The following TTLL5 variants were observed in gnomAD, a reference collection of about 807,000 sequenced individuals.
The protein encoded by TTLL5 is tubulin polyglutamylase TTLL5.
In TTLL5, 132 loss-of-function variants were observed where a neutral mutation model predicts 168.4. That is an observed-to-expected ratio of 0.78 (90% CI 0.68 to 0.91). The LOEUF is 0.91. Ranked by LOEUF, TTLL5 falls within the 40% of genes least tolerant of loss-of-function variation. The pLI, the probability that TTLL5 is intolerant of heterozygous loss-of-function variation, is 0.00. For missense variants in TTLL5, 1,545 were observed against 1,581.5 expected, an observed-to-expected ratio of 0.98 and a Z score of 0.39; for synonymous variants, 546 against 558.6, an observed-to-expected ratio of 0.98 and a Z score of 0.32.
At chr14:75,878,321 T>G (rs549446927) in intron 29 of TTLL5, among the ~76,000 whole-genome samples, 6 of 152,222 alleles carry the variant, frequency 3.9e-5, no homozygotes, top group Non-Finnish European at 7.3e-5. Context: ...TCTTGCAGAC[T>G]TCATGGTGCC....
At chr14:75,851,479 C>A (rs1364020642) in intron 28 of TTLL5, among the ~76,000 whole-genome samples, 1 of 152,172 alleles carries the variant, frequency 6.6e-6, no homozygotes, top group Non-Finnish European at 1.5e-5. Context: ...ATTTGGTAAT[C>A]TTTCTCATTC....
intron 2 of TTLL5, among the ~76,000 whole-genome samples, chr14:75,667,763 T>G (rs929101707): frequency 3.5e-5 from 5 of 144,752 alleles, no homozygotes; most frequent in African/African-American, 1.3e-4. Context: ...TTTTTTTTTT[T>G]TTTTTTTTTT....
intron 31 of TTLL5, among the ~76,000 whole-genome samples, chr14:75,912,141 A>G (rs2033417320): frequency 1.3e-5 from 2 of 149,822 alleles, no homozygotes; most frequent in African/African-American, 4.9e-5. Context: ...GCTCCGCCCT[A>G]CTCATGACGT....
At chr14:75,915,617 A>G (rs2033588645) in intron 31 of TTLL5, among the ~76,000 whole-genome samples, 1 of 152,232 alleles carries the variant, frequency 6.6e-6, no homozygotes, top group Non-Finnish European at 1.5e-5. Context: ...TAAAAATATC[A>G]ATCTTGCAGG....
At chr14:75,946,367 T>TA (rs1272630248) in intron 31 of TTLL5, among the ~76,000 whole-genome samples, 1 of 152,096 alleles carries the variant, frequency 6.6e-6, no homozygotes, top group African/African-American at 2.4e-5. Context: ...ATAAAGTATT[T>TA]AAAAAAATAG....
chr14:75,707,309 AT>A (rs1453399606), intron 8 of TTLL5, among the ~76,000 whole-genome samples: 1 of 152,162 alleles, frequency 6.6e-6, no homozygotes, highest in Non-Finnish European at 1.5e-5. Flanking sequence ...ATAGTAGTAT[AT>A]GTATGAAAAT....
In TTLL5 at chr14:75,882,867, A is replaced by G. The variant is rs766359766; in HGVS notation, c.3705A>G (p.Gln1235=). The change falls in exon 30 of 32, where the codon CAA becomes CAG. Residue 1235 remains glutamine (Q), a synonymous_variant. Transcript: ENST00000298832. ...LVPKPPPNHE[Q]VLRRATSQKA... is the part of the protein sequence containing the mutation. The stretch of plus-strand genomic sequence containing the variant: ...CCAAACCCCCACCCAACCACGAACA[A>G]GTGCTCAGAAGGGCAACATCCCAGA... 3.1e-6 allele frequency: 5 copies of G among 1,614,174 alleles called. No individual in the cohort carries two copies. Among genetic ancestry groups the G allele is most frequent in the Admixed American group, 1.7e-5 (1 of 60,024 alleles).
chr14:75,741,524 TC>T (rs1383573065), intron 15 of TTLL5, among the ~76,000 whole-genome samples: 1 of 151,304 alleles, frequency 6.6e-6, no homozygotes, highest in Admixed American at 6.6e-5. Flanking sequence ...TCAGTCTGAT[TC>T]CTTTTTTTTT....
At chr14:75,742,910 A>G (rs1889359849) in intron 15 of TTLL5, among the ~76,000 whole-genome samples, 1 of 152,186 alleles carries the variant, frequency 6.6e-6, no homozygotes, top group African/African-American at 2.4e-5. Flanking sequence ...TCCTTCCTAA[A>G]TCTTTCAACT....
intron 31 of TTLL5, chr14:75,904,200 TC>T (rs1335776238): frequency 9.9e-6 from 11 of 1,109,192 alleles, no homozygotes; most frequent in East Asian, 7.7e-5. Flanking sequence ...ACCTCACTCC[TC>T]CAAAAAAAAA....
chr14:75,860,617 A>G (rs1243428789), intron 28 of TTLL5, among the ~76,000 whole-genome samples: 1 of 152,162 alleles, frequency 6.6e-6, no homozygotes, highest in Non-Finnish European at 1.5e-5. Flanking sequence ...TTGGTGTGGA[A>G]ATCTCAAGGT....
chr14:75,765,783 A>G (rs1594996423), intron 19 of TTLL5, among the ~76,000 whole-genome samples: 1 of 151,996 alleles, frequency 6.6e-6, no homozygotes, highest in Non-Finnish European at 1.5e-5. Context: ...GGACTACTTG[A>G]CCCCAGGATG....
chr14:75,887,897 G>A (rs1020575569), intron 30 of TTLL5, among the ~76,000 whole-genome samples: 4 of 152,200 alleles, frequency 2.6e-5, no homozygotes, highest in African/African-American at 2.4e-5. Context: ...AATGCCACTC[G>A]TATTAGAGGT....
chr14:75,905,410 C>CA (rs2033102646), intron 31 of TTLL5, among the ~76,000 whole-genome samples: 1 of 152,218 alleles, frequency 6.6e-6, no homozygotes, highest in Non-Finnish European at 1.5e-5. Flanking sequence ...AAAAACAACT[C>CA]AGAGTCCTTT....
Position 75,928,366 on chromosome 14 carries a change from T to TATATATATATATATATATATATATA in TTLL5, c.3824-26056_3824-26055insATATATATATATATATATATATAAT, listed in dbSNP as rs1202108865. On this transcript the variant is annotated intron_variant, in intron 31 of 31. Transcript: ENST00000298832. ...ACATATATATATATATATATATATA[T>TATATATATATATATATATATATATA]ATCACTGTATTTCTGCTTTACTCTA... is the stretch of plus-strand genomic sequence containing the variant. Among the ~76,000 whole-genome samples, 39 of 142,348 alleles carry TATATATATATATATATATATATATA rather than the reference T, an allele frequency of 2.7e-4. 1 individual carries two copies. Among genetic ancestry groups the TATATATATATATATATATATATATA allele is most frequent in the African/African-American group, 1.0e-3 (39 of 37,974 alleles). 93.4% of individuals were successfully genotyped at this position (142,348 alleles called of 152,430 possible). A position where few individuals can be genotyped will look rare whatever the true frequency, so the allele number is the denominator to read the frequency against.
At chr14:75,917,128 G>A (rs1020189112) in intron 31 of TTLL5, among the ~76,000 whole-genome samples, 4 of 152,206 alleles carry the variant, frequency 2.6e-5, no homozygotes, top group Non-Finnish European at 4.4e-5. Flanking sequence ...CGTGCAGCGT[G>A]AATGCACTTA....
At chr14:75,730,274 AG>A (rs1205282639) in intron 12 of TTLL5, among the ~76,000 whole-genome samples, 1 of 152,198 alleles carries the variant, frequency 6.6e-6, no homozygotes, top group Non-Finnish European at 1.5e-5. Flanking sequence ...CTCAGGTTAA[AG>A]GGGCAATATT....
chr14:75,722,291 G>A (rs1887890129), intron 12 of TTLL5, among the ~76,000 whole-genome samples: 1 of 151,952 alleles, frequency 6.6e-6, no homozygotes, highest in Non-Finnish European at 1.5e-5. Context: ...TGTTGCCCAG[G>A]GTGGAGTACA....
chr14:75,894,704 T>G (rs1025497042), intron 30 of TTLL5, among the ~76,000 whole-genome samples: 50 of 152,266 alleles, frequency 3.3e-4, no homozygotes, highest in Middle Eastern at 3.4e-3. Context: ...TTTTAAAAAC[T>G]TAAGTTATTG....
Sources: allele counts gnomAD v4.1 joint callset (sites outside exome capture counted in the v4.1 genomes callset), GRCh38; gene constraint gnomAD v4.1.1; transcripts MANE v1.5; gene names NCBI Gene and HGNC (gene_info 2026-07-23, HGNC 2026-07-21).